Variants in PURG observed in about 807,000 individuals in gnomAD.
The protein encoded by PURG is purine-rich element-binding protein gamma.
PURG carries 3 observed loss-of-function variants against 24.3 expected under a neutral mutation model. That is an observed-to-expected ratio of 0.12 (90% CI 0.06 to 0.32). PURG has a LOEUF of 0.32. Ranked by LOEUF, PURG falls within the 10% of genes least tolerant of loss-of-function variation. PURG has a pLI of 1.00. For synonymous variants in PURG, 180 were observed against 173.1 expected (o/e 1.04, Z -0.31); for missense variants, 371 against 439.1 (o/e 0.84, Z 1.39).
intron 1 of PURG, among the ~76,000 whole-genome samples, chr8:31,002,201 A>G (rs560505508): frequency 6.6e-6 from 1 of 152,304 alleles, no homozygotes; most frequent in East Asian, 1.9e-4. Flanking sequence ...GAAAGCTAAG[A>G]CCTGTAAAAA....
At chr8:30,998,009 A>G (rs912178654) in intron 1 of PURG, among the ~76,000 whole-genome samples, 1 of 151,844 alleles carries the variant, frequency 6.6e-6, no homozygotes, top group Non-Finnish European at 1.5e-5. Context: ...AACAAAATTG[A>G]ATTATAATGG....
chr8:31,002,403 C>G (rs899629969), intron 1 of PURG, among the ~76,000 whole-genome samples: 3 of 152,130 alleles, frequency 2.0e-5, no homozygotes, highest in African/African-American at 7.2e-5. Flanking sequence ...TGTGTTGGAA[C>G]TCTTGAATAA....
At chr8:31,015,286 AAC>A (rs1810839247) in intron 1 of PURG, among the ~76,000 whole-genome samples, 1 of 152,132 alleles carries the variant, frequency 6.6e-6, no homozygotes, top group Non-Finnish European at 1.5e-5. Context: ...AACATTACTG[AAC>A]ACTTAGAAAT....
Position 31,031,800 on chromosome 8 carries a change from T to C in PURG, c.983A>G (p.His328Arg), listed in dbSNP as rs368144065. ...TCTGCCATCCATTCTCTTTTCTTTA[T>C]GGCTGTTGCAAATTTTCCTCATCTC... is the stretch of plus-strand genomic sequence containing the variant. ...EEEMRKICNS[H>R]KEKRMDGRKA... is the part of the protein sequence containing the mutation. Residue 328 changes from histidine (H) to arginine (R), a missense_variant, in exon 2 of 2, where the codon CAT (histidine) becomes CGT (arginine). His to Arg is a conservative substitution (Grantham distance 29). This residue lies in a region of PURG where 103 missense variants were observed against 127.7 expected (regional missense o/e 0.81). Transcript: ENST00000523392. The C allele has an allele frequency of 3.2e-6, 5 of 1,555,356 alleles. No individual in the cohort carries two copies. The highest frequency in any genetic ancestry group is 3.5e-6 in the Non-Finnish European group (4 of 1,148,840).
intron 1 of PURG, chr8:30,996,841 G>T (rs987013917): frequency 1.6e-5 from 10 of 644,926 alleles, no homozygotes; most frequent in Non-Finnish European, 2.3e-5. Context: ...TTTTAGTTGT[G>T]TCTAGGCCAA....
Position 31,032,283 on chromosome 8 carries a change from G to A in PURG, c.500C>T (p.Pro167Leu). ...ATAGTCTGTTTTCAGGACACTGTGA[G>A]GATGCTCTTCGGACCCCACCGAGAC... The part of the protein sequence containing the change: ...PPVSVGSEEH[P>L]HSVLKTDYIE... Residue 167 changes from proline to leucine, a missense_variant, in exon 2 of 2, where the codon CCT (proline) becomes CTT (leucine). This residue lies in a region of PURG where 213 missense variants were observed against 230.6 expected (regional missense o/e 0.92). Coordinates refer to ENST00000523392, the MANE Select transcript of PURG (RefSeq NM_001323311.2). The surrounding 1 kb of genome is among the most constrained non-coding windows in gnomAD (Gnocchi z 5.9). 2 of 1,613,122 alleles carry A rather than the reference G, an allele frequency of 1.2e-6. No individual in the cohort carries two copies. The highest frequency in any genetic ancestry group is 2.2e-5 in the East Asian group (1 of 44,816).
intron 1 of PURG, among the ~76,000 whole-genome samples, chr8:31,014,087 A>G (rs1178997841): frequency 2.6e-5 from 4 of 152,228 alleles, no homozygotes; most frequent in African/African-American, 9.6e-5. Context: ...AATATGTTGC[A>G]GCAGATCATT....
At chr8:31,005,523 G>T (rs957877662) in intron 1 of PURG, among the ~76,000 whole-genome samples, 10 of 152,046 alleles carry the variant, frequency 6.6e-5, no homozygotes, top group African/African-American at 2.4e-4. Flanking sequence ...CTAATCTGTG[G>T]TGATAGACAT....
chr8:31,014,404 A>T (rs1810816495), intron 1 of PURG, among the ~76,000 whole-genome samples: 1 of 152,200 alleles, frequency 6.6e-6, no homozygotes, highest in South Asian at 2.1e-4. Context: ...TTGATTTCTT[A>T]AAAAAATTTT....
intron 1 of PURG, among the ~76,000 whole-genome samples, chr8:31,016,320 C>A (rs1252975021): frequency 1.3e-5 from 2 of 151,914 alleles, no homozygotes; most frequent in Non-Finnish European, 2.9e-5. Context: ...GTGGAGGTTG[C>A]AGTGAGCTGA....
intron 1 of PURG, among the ~76,000 whole-genome samples, chr8:31,009,697 C>A (rs1313482539): frequency 6.6e-6 from 1 of 152,134 alleles, no homozygotes. Context: ...ATTTTGCATG[C>A]ACAAATGAGA....
intron 1 of PURG, among the ~76,000 whole-genome samples, chr8:31,022,083 G>A (rs1257501064): frequency 6.6e-6 from 1 of 150,934 alleles, no homozygotes; most frequent in Non-Finnish European, 1.5e-5. Flanking sequence ...CGATTCTCCT[G>A]CCTCAGCCTT....
intron 1 of PURG, among the ~76,000 whole-genome samples, chr8:31,007,830 C>T (rs1186115704): frequency 6.6e-6 from 1 of 151,966 alleles, no homozygotes; most frequent in Non-Finnish European, 1.5e-5. Context: ...TAATGATTCT[C>T]TTTTTTTAAA....
exon 2 of PURG, chr8:30,995,873 TC>T (rs1221489610): frequency 6.6e-6 from 1 of 151,986 alleles, no homozygotes; most frequent in Non-Finnish European, 1.5e-5. Flanking sequence ...TCATTTTACT[TC>T]ATATAAACAG....
intron 1 of PURG, among the ~76,000 whole-genome samples, chr8:31,002,666 T>TAG (rs1038123204): frequency 6.6e-5 from 10 of 152,238 alleles, no homozygotes; most frequent in Admixed American, 5.9e-4. Context: ...GTATTTTTCG[T>TAG]AGAGATGGTG....
At chr8:31,008,687 C>A (rs1327193768) in intron 1 of PURG, among the ~76,000 whole-genome samples, 1 of 152,108 alleles carries the variant, frequency 6.6e-6, no homozygotes, top group Non-Finnish European at 1.5e-5. Flanking sequence ...ATATAATTCC[C>A]TGAACTTTAA....
intron 1 of PURG, among the ~76,000 whole-genome samples, chr8:31,016,262 C>T (rs980034299): frequency 1.3e-5 from 2 of 152,052 alleles, no homozygotes; most frequent in South Asian, 4.2e-4. Context: ...TGCCTGCAGT[C>T]CCAGCTACTC....
downstream of PURG, among the ~76,000 whole-genome samples, chr8:31,026,764 C>T (rs1239441875): frequency 3.3e-5 from 5 of 150,520 alleles, no homozygotes; most frequent in Non-Finnish European, 7.4e-5. Context: ...TGTACTGTTT[C>T]CATTTTGTAC....
chr8:31,032,982 C>G lies in PURG; in HGVS notation c.-7+96G>C, dbSNP rs1040454866. ...CGCCGCTCCGGCTCTGCCCGCGCTC[C>G]CCGCATCCCTCCGCCGCCCCCGGGG... On this transcript the variant is annotated intron_variant, in intron 1 of 1. Transcript: ENST00000523392. This position sits in a 1 kb window ranked among gnomAD's most constrained non-coding sequence, Gnocchi z 5.9. The G allele has an allele frequency of 2.2e-5, 4 of 186,036 alleles. No homozygotes were observed. The highest frequency in any genetic ancestry group is 1.6e-4 in the South Asian group (1 of 6,168). The allele number at this position is 186,036 out of a possible 1,614,324, so 11.5% of individuals were successfully genotyped here.
Sources: allele counts gnomAD v4.1 joint callset (sites outside exome capture counted in the v4.1 genomes callset), GRCh38; gene constraint gnomAD v4.1.1; regional missense constraint gnomAD v4.1.1; non-coding constraint Gnocchi (gnomAD v3.1); transcripts MANE v1.5; gene names NCBI Gene and HGNC (gene_info 2026-07-23, HGNC 2026-07-21).